The following DPP6 variants were observed in gnomAD, a reference collection of about 807,000 sequenced individuals.
DPP6 encodes the protein A-type potassium channel modulatory protein DPP6.
DPP6 carries 69 observed loss-of-function variants against 122.6 expected under a neutral mutation model. The ratio of observed to expected loss-of-function variants is 0.56; its 90% CI spans 0.46 to 0.69. DPP6 has a LOEUF of 0.69. Among genes scored for constraint, DPP6 ranks in the 30% least tolerant of loss-of-function variants. DPP6 has a pLI of 0.00. For missense variants in DPP6, 928 were observed against 1,116.9 expected, an observed-to-expected ratio of 0.83 and a Z score of 2.41; for synonymous variants, 418 against 433.1, an observed-to-expected ratio of 0.97 and a Z score of 0.43.
intron 1 of DPP6, among the ~76,000 whole-genome samples, chr7:154,364,336 GAGCACAGC>G (rs1415933510): frequency 1.3e-5 from 2 of 152,188 alleles, no homozygotes; most frequent in Admixed American, 1.3e-4. Context: ...ACCACAGGCA[GAGCACAGC>G]TACAGGCCCA....
chr7:154,097,921 G>A (rs549742736), intron 1 of DPP6, among the ~76,000 whole-genome samples: 5 of 152,324 alleles, frequency 3.3e-5, no homozygotes, highest in Non-Finnish European at 5.9e-5. Flanking sequence ...GGAGACAGCA[G>A]CGTAGCCCCT....
intron 3 of DPP6, among the ~76,000 whole-genome samples, chr7:154,514,008 C>T (rs997343109): frequency 2.0e-5 from 3 of 152,158 alleles, no homozygotes; most frequent in African/African-American, 7.2e-5. Context: ...GGCACGGTGG[C>T]TTATGCCTGT....
intron 5 of DPP6, among the ~76,000 whole-genome samples, chr7:154,579,498 C>A (rs948524379): frequency 1.3e-5 from 2 of 152,220 alleles, no homozygotes; most frequent in African/African-American, 4.8e-5. Flanking sequence ...GTGAAATCAA[C>A]CACTTTTTAA....
chr7:154,289,473 G>C (rs1805064096), intron 1 of DPP6, among the ~76,000 whole-genome samples: 1 of 152,208 alleles, frequency 6.6e-6, no homozygotes, highest in South Asian at 2.1e-4. Flanking sequence ...CACTCAGCTA[G>C]TTCAATCCTC....
the DPP6 span, among the ~76,000 whole-genome samples, chr7:153,823,831 G>A: frequency 6.6e-6 from 1 of 152,058 alleles, no homozygotes; most frequent in African/African-American, 2.4e-5. Flanking sequence ...AATTATGTCT[G>A]TTTTCACTGC....
the DPP6 span, among the ~76,000 whole-genome samples, chr7:153,808,442 CGTGT>C: frequency 7.3e-5 from 11 of 151,222 alleles, no homozygotes; most frequent in South Asian, 4.2e-4. Context: ...TGTGTGTGTG[CGTGT>C]GTGTGTGTAT....
chr7:154,353,536 C>A (rs1811045111), intron 1 of DPP6, among the ~76,000 whole-genome samples: 1 of 152,158 alleles, frequency 6.6e-6, no homozygotes, highest in African/African-American at 2.4e-5. Context: ...CATTTTAAAT[C>A]TTTCCATGTG....
chr7:153,849,412 T>C, the DPP6 span, among the ~76,000 whole-genome samples: 1 of 152,134 alleles, frequency 6.6e-6, no homozygotes, highest in Non-Finnish European at 1.5e-5. Flanking sequence ...TGGGCCCTTA[T>C]CTTCCAGCCA....
intron 1 of DPP6, among the ~76,000 whole-genome samples, chr7:154,127,995 A>G (rs1449315577): frequency 6.7e-6 from 1 of 150,094 alleles, no homozygotes; most frequent in Non-Finnish European, 1.5e-5. Flanking sequence ...TGGGACTGAC[A>G]GTAGCAATGA....
rs184708809 is a variant in DPP6 at position 154,062,256 on chromosome 7, G to A, written c.243+9193G>A. On this transcript the variant is annotated intron_variant, in intron 1 of 25. Coordinates refer to ENST00000377770, the MANE Select transcript of DPP6 (RefSeq NM_130797.4). ...GAAAGTTCAAATCTTCTGACGGCAG[G>A]TACCTTACGTGGGATTACTGAGAGC... Among the ~76,000 whole-genome samples, 3 of 82,702 alleles carry A rather than the reference G, an allele frequency of 3.6e-5. 1 individual carries two copies. The highest frequency in any genetic ancestry group is 3.4e-4 in the East Asian group (1 of 2,968). 54.3% of individuals were successfully genotyped at this position (82,702 alleles called of 152,430 possible).
At chr7:154,152,117 T>A (rs1585498969) in intron 1 of DPP6, among the ~76,000 whole-genome samples, 1 of 150,178 alleles carries the variant, frequency 6.7e-6, no homozygotes, top group East Asian at 2.0e-4. Context: ...ATTACAGTAG[T>A]TTGGAGAGAC....
intron 1 of DPP6, among the ~76,000 whole-genome samples, chr7:154,284,903 G>A (rs1177324524): frequency 6.6e-6 from 1 of 152,028 alleles, no homozygotes; most frequent in Non-Finnish European, 1.5e-5. Context: ...GACATAAACT[G>A]AACAAAAAGG....
intron 1 of DPP6, among the ~76,000 whole-genome samples, chr7:154,029,422 C>G (rs1475605877): frequency 6.6e-6 from 1 of 151,868 alleles, no homozygotes; most frequent in Non-Finnish European, 1.5e-5. Context: ...GAGGCTGAAG[C>G]AGGAGCATGG....
intron 3 of DPP6, among the ~76,000 whole-genome samples, chr7:154,479,735 C>T (rs1823088990): frequency 6.6e-6 from 1 of 151,934 alleles, no homozygotes; most frequent in Admixed American, 6.6e-5. Flanking sequence ...CTTTTGGAGC[C>T]CCTTTGTGCC....
chr7:153,784,282 A>C, the DPP6 span, among the ~76,000 whole-genome samples: 1 of 152,198 alleles, frequency 6.6e-6, no homozygotes, highest in Non-Finnish European at 1.5e-5. Context: ...AAACAGAAAT[A>C]TGTATTTGCT....
intron 19 of DPP6, among the ~76,000 whole-genome samples, chr7:154,873,736 GCAGACACACGCACCCACACA>G (rs1804580141): frequency 6.6e-6 from 1 of 152,044 alleles, no homozygotes; most frequent in African/African-American, 2.4e-5. Flanking sequence ...TCACCCACAT[GCAGACACACGCACCCACACA>G]CAGGCACACG....
intron 4 of DPP6, among the ~76,000 whole-genome samples, chr7:154,542,788 TAAAG>T (rs529294273): frequency 6.6e-6 from 1 of 152,156 alleles, no homozygotes; most frequent in Non-Finnish European, 1.5e-5. Flanking sequence ...AGACTCAAAA[TAAAG>T]AAGACAAAAA....
the DPP6 span, among the ~76,000 whole-genome samples, chr7:153,765,569 A>AAAC: frequency 6.6e-6 from 1 of 152,010 alleles, no homozygotes; most frequent in East Asian, 1.9e-4. Flanking sequence ...AAACAGAAAA[A>AAAC]AACACCTAGG....
chr7:154,779,266 T>C (rs1402833385), intron 10 of DPP6, among the ~76,000 whole-genome samples: 7 of 46,466 alleles, frequency 1.5e-4, no homozygotes, highest in Admixed American at 2.5e-4. Context: ...CCACCACCCC[T>C]ATCACCACCT....
Sources: gnomAD v4.1 joint callset for allele counts (sites outside exome capture counted in the v4.1 genomes callset) on GRCh38, gnomAD v4.1.1 for gene constraint, MANE v1.5 for transcripts, NCBI Gene and HGNC (gene_info 2026-07-23, HGNC 2026-07-21) for gene names.